The following ADAM22 variants were observed in gnomAD, a reference collection of about 807,000 sequenced individuals.
ADAM22 encodes disintegrin and metalloproteinase domain-containing protein 22.
ADAM22 carries 65 observed loss-of-function variants against 144.6 expected under a neutral mutation model. The observed-to-expected ratio is 0.45, with a 90% CI of 0.37 to 0.55. The LOEUF (loss-of-function observed/expected upper bound fraction) is 0.55, where lower values mean the gene tolerates loss of function less well. Ranked by LOEUF, ADAM22 falls within the 20% of genes least tolerant of loss-of-function variation. The pLI, the probability that ADAM22 is intolerant of heterozygous loss-of-function variation, is 0.00. For missense variants in ADAM22, 974 were observed against 1,184.9 expected, an observed-to-expected ratio of 0.82 and a Z score of 2.61; for synonymous variants, 391 against 412.6, an observed-to-expected ratio of 0.95 and a Z score of 0.63.
At chr7:87,950,429 A>C (rs1844768405) in intron 2 of ADAM22, among the ~76,000 whole-genome samples, 1 of 147,642 alleles carries the variant, frequency 6.8e-6, no homozygotes, top group South Asian at 2.1e-4. Flanking sequence ...GAGAATGATG[A>C]TTTCCAATTT....
chr7:88,180,072 G>A (rs1207621229), intron 27 of ADAM22, among the ~76,000 whole-genome samples: 1 of 152,042 alleles, frequency 6.6e-6, no homozygotes, highest in African/African-American at 2.4e-5. Context: ...TGTTAATCAG[G>A]AAGGAGAATA....
At chr7:87,989,645 G>T (rs1584859420) in intron 3 of ADAM22, among the ~76,000 whole-genome samples, 2 of 152,294 alleles carry the variant, frequency 1.3e-5, no homozygotes, top group South Asian at 4.1e-4. Flanking sequence ...ACTGGGCATG[G>T]TGGCTCACGC....
At chr7:88,026,989 A>G (rs1248027729) in intron 3 of ADAM22, among the ~76,000 whole-genome samples, 2 of 152,206 alleles carry the variant, frequency 1.3e-5, no homozygotes, top group Non-Finnish European at 2.9e-5. Flanking sequence ...TGAAATGATC[A>G]TATGAATTTT....
intron 27 of ADAM22, among the ~76,000 whole-genome samples, chr7:88,180,852 C>A (rs1037193338): frequency 5.3e-5 from 8 of 152,008 alleles, no homozygotes; most frequent in African/African-American, 1.9e-4. Context: ...TGGTAGGACA[C>A]AAATAGCAGG....
At chr7:87,967,627 G>C (rs1394352847) in intron 2 of ADAM22, among the ~76,000 whole-genome samples, 1 of 151,876 alleles carries the variant, frequency 6.6e-6, no homozygotes, top group Non-Finnish European at 1.5e-5. Flanking sequence ...TTCCCAGATG[G>C]TGAAACCCGT....
intron 2 of ADAM22, among the ~76,000 whole-genome samples, chr7:87,966,734 T>TG (rs1231627312): frequency 2.3e-5 from 3 of 131,624 alleles, no homozygotes; most frequent in African/African-American, 8.6e-5. Context: ...TTTTTTTTTT[T>TG]TTTTTTTTTT....
At chr7:88,193,292 T>C (rs928195184) in intron 31 of ADAM22, 53 bp downstream of exon 31, 1 of 1,550,144 alleles carries the variant, frequency 6.5e-7, no homozygotes, top group African/African-American at 1.4e-5. Context: ...ATCATTTATC[T>C]ATGAGTTTAT....
chr7:88,021,846 T>A (rs1314084312), intron 3 of ADAM22, among the ~76,000 whole-genome samples: 2 of 152,024 alleles, frequency 1.3e-5, no homozygotes, highest in African/African-American at 4.8e-5. Flanking sequence ...TTTAATTCAT[T>A]TGGAATTTCT....
intron 14 of ADAM22, among the ~76,000 whole-genome samples, chr7:88,140,463 A>G (rs914151116): frequency 6.6e-6 from 1 of 152,204 alleles, no homozygotes; most frequent in Non-Finnish European, 1.5e-5. Flanking sequence ...AATGTGTGTA[A>G]GAAACTTTCA....
chr7:88,060,870 G>A (rs1404895039), intron 3 of ADAM22, among the ~76,000 whole-genome samples: 1 of 152,032 alleles, frequency 6.6e-6, no homozygotes, highest in East Asian at 1.9e-4. Context: ...TTGGGAGGCT[G>A]AGGAGGGCGA....
intron 2 of ADAM22, among the ~76,000 whole-genome samples, chr7:87,946,453 G>A (rs910467760): frequency 1.3e-5 from 2 of 152,100 alleles, no homozygotes; most frequent in African/African-American, 4.8e-5. Flanking sequence ...TCTCAAGGCC[G>A]ATTTCCAGAA....
At chr7:88,021,080 C>T (rs918781047) in intron 3 of ADAM22, among the ~76,000 whole-genome samples, 1 of 152,292 alleles carries the variant, frequency 6.6e-6, no homozygotes, top group South Asian at 2.1e-4. Context: ...CTCCTCTTAT[C>T]TTCTGTCCTG....
intron 3 of ADAM22, among the ~76,000 whole-genome samples, chr7:88,073,859 A>C (rs1489025316): frequency 6.6e-6 from 1 of 152,244 alleles, no homozygotes; most frequent in East Asian, 1.9e-4. Flanking sequence ...TACTGGGACA[A>C]GTATGCCTAG....
chr7:87,952,285 A>T (rs1396889624), intron 2 of ADAM22, among the ~76,000 whole-genome samples: 132 of 151,562 alleles, frequency 8.7e-4, no homozygotes, highest in African/African-American at 3.1e-3. Context: ...GGTTTGTCAT[A>T]GATAGCTCTT....
intron 3 of ADAM22, among the ~76,000 whole-genome samples, chr7:88,017,981 CA>C (rs1451066317): frequency 6.6e-6 from 1 of 152,072 alleles, no homozygotes; most frequent in Non-Finnish European, 1.5e-5. Context: ...CTCGACTCCC[CA>C]AAGACTCTGT....
rs76609315 is a variant in ADAM22 at position 88,036,509 on chromosome 7, A to G, written c.324-39117A>G. ...TTTATTACCATTTGTAATGTTTGGC[A>G]ATCATTAATAATACGTTAACAGTAT... On this transcript the variant is annotated intron_variant, in intron 3 of 31. Coordinates refer to ENST00000413139, the MANE Select transcript of ADAM22 (RefSeq NM_001324418.2). 5.5e-3 allele frequency among the ~76,000 whole-genome samples: 834 copies of G among 152,294 alleles called. 5 individuals are homozygous for G. Among genetic ancestry groups the G allele is most frequent in the African/African-American group, 0.019 (808 of 41,572 alleles).
chr7:88,081,248 TA>T (rs1465058822), intron 4 of ADAM22, among the ~76,000 whole-genome samples: 3 of 152,154 alleles, frequency 2.0e-5, no homozygotes, highest in Non-Finnish European at 1.5e-5. Flanking sequence ...ACCACATGAT[TA>T]TCTCAATAGA....
intron 7 of ADAM22, among the ~76,000 whole-genome samples, chr7:88,120,037 A>T (rs1374749402): frequency 6.6e-6 from 1 of 152,092 alleles, no homozygotes; most frequent in Non-Finnish European, 1.5e-5. Context: ...GTAACCACAG[A>T]TTGCTGGCCC....
intron 4 of ADAM22, among the ~76,000 whole-genome samples, chr7:88,078,614 A>G (rs998381156): frequency 1.6e-4 from 25 of 152,218 alleles, no homozygotes; most frequent in African/African-American, 6.0e-4. Context: ...AATTAGACGA[A>G]TGGATAACTA....
Sources: allele counts gnomAD v4.1 joint callset (sites outside exome capture counted in the v4.1 genomes callset), GRCh38; gene constraint gnomAD v4.1.1; transcripts MANE v1.5; gene names NCBI Gene and HGNC (gene_info 2026-07-23, HGNC 2026-07-21).